The following GPC5 variants were observed in gnomAD, a reference collection of about 807,000 sequenced individuals.
GPC5 encodes the protein glypican 5.
GPC5 carries 47 observed loss-of-function variants against 53.9 expected under a neutral mutation model. The ratio of observed to expected loss-of-function variants is 0.87; its 90% CI spans 0.69 to 1.11. The LOEUF is 1.11. Ranked by LOEUF, GPC5 falls within the 50% of genes most tolerant of loss-of-function variation. The probability of loss-of-function intolerance (pLI) is 0.00; values close to 1 mark genes in which losing one functional copy is unlikely to be tolerated. For synonymous variants in GPC5, 286 were observed against 263.3 expected (o/e 1.09, Z -0.84); for missense variants, 748 against 713.1 (o/e 1.05, Z -0.56).
chr13:92,142,601 A>G (rs1165322295), intron 6 of GPC5, among the ~76,000 whole-genome samples: 1 of 152,208 alleles, frequency 6.6e-6, no homozygotes, highest in Non-Finnish European at 1.5e-5. Flanking sequence ...ATATCCAATC[A>G]CTTTCAACCA....
chr13:91,910,414 A>G (rs1378404117), intron 6 of GPC5, among the ~76,000 whole-genome samples: 1 of 152,192 alleles, frequency 6.6e-6, no homozygotes, highest in Admixed American at 6.5e-5. Flanking sequence ...TTCAGATCCT[A>G]GTCTATAGAT....
chr13:92,201,088 C>A (rs920069366), intron 7 of GPC5, among the ~76,000 whole-genome samples: 3 of 152,104 alleles, frequency 2.0e-5, no homozygotes, highest in Non-Finnish European at 2.9e-5. Context: ...TACTGAACGT[C>A]ATCATCTCTG....
intron 6 of GPC5, among the ~76,000 whole-genome samples, chr13:91,912,614 C>CTT (rs2039619771): frequency 6.6e-6 from 1 of 152,056 alleles, no homozygotes; most frequent in Admixed American, 6.6e-5. Flanking sequence ...AAAACAAATA[C>CTT]TTTTCCGTGG....
chr13:92,495,482 C>T (rs1266840883), intron 7 of GPC5, among the ~76,000 whole-genome samples: 3 of 152,102 alleles, frequency 2.0e-5, no homozygotes, highest in Non-Finnish European at 4.4e-5. Context: ...TAATTTTATT[C>T]TGAATGGTAT....
At chr13:91,731,292 A>C (rs932053800) in intron 4 of GPC5, among the ~76,000 whole-genome samples, 6 of 152,200 alleles carry the variant, frequency 3.9e-5, no homozygotes. Context: ...AACCTTCACC[A>C]AGTCCATCTC....
At chr13:92,413,054 G>T (rs1463752744) in intron 7 of GPC5, among the ~76,000 whole-genome samples, 2 of 152,164 alleles carry the variant, frequency 1.3e-5, no homozygotes, top group Non-Finnish European at 1.5e-5. Context: ...GCTACACTAA[G>T]TTCTCAAAGC....
chr13:92,851,187 G>GC (rs1878787124), intron 7 of GPC5, among the ~76,000 whole-genome samples: 2 of 152,010 alleles, frequency 1.3e-5, no homozygotes, highest in Admixed American at 6.6e-5. Flanking sequence ...GGGGAAATCT[G>GC]CCCCCATGAT....
chr13:92,077,654 G>A (rs2041262626), intron 6 of GPC5, among the ~76,000 whole-genome samples: 1 of 152,160 alleles, frequency 6.6e-6, no homozygotes, highest in African/African-American at 2.4e-5. Context: ...TGATCAAGTG[G>A]CAACTGTGAG....
intron 7 of GPC5, among the ~76,000 whole-genome samples, chr13:92,352,227 A>C (rs1257950088): frequency 6.6e-6 from 1 of 152,222 alleles, no homozygotes; most frequent in Admixed American, 6.5e-5. Flanking sequence ...ATATGAAAAA[A>C]ATTGAATAAC....
intron 7 of GPC5, among the ~76,000 whole-genome samples, chr13:92,282,804 A>C (rs1158455373): frequency 1.3e-5 from 2 of 152,234 alleles, no homozygotes; most frequent in Non-Finnish European, 2.9e-5. Context: ...AATTGTAAAG[A>C]CCATCGATGC....
chr13:92,045,798 T>A (rs921623027), intron 6 of GPC5, among the ~76,000 whole-genome samples: 8 of 152,112 alleles, frequency 5.3e-5, no homozygotes, highest in Non-Finnish European at 8.8e-5. Flanking sequence ...CGGAGGTAGA[T>A]CCTATTTGGG....
At chr13:91,694,140 C>T (rs954900101) in intron 3 of GPC5, among the ~76,000 whole-genome samples, 4 of 152,154 alleles carry the variant, frequency 2.6e-5, no homozygotes, top group African/African-American at 9.7e-5. Flanking sequence ...GAATCTTTAG[C>T]CTGCCGGTAA....
At chr13:92,124,427 C>T (rs1182652438) in intron 6 of GPC5, among the ~76,000 whole-genome samples, 1 of 151,808 alleles carries the variant, frequency 6.6e-6, no homozygotes, top group African/African-American at 2.4e-5. Flanking sequence ...TGAAATTACA[C>T]AAGAAAGCAG....
At chr13:92,462,270 A>G (rs1878518250) in intron 7 of GPC5, among the ~76,000 whole-genome samples, 1 of 152,166 alleles carries the variant, frequency 6.6e-6, no homozygotes, top group Admixed American at 6.6e-5. Context: ...ACCAATGAGG[A>G]GAGTTTGTAA....
intron 2 of GPC5, among the ~76,000 whole-genome samples, chr13:91,489,884 AG>A (rs1883837706): frequency 6.6e-6 from 1 of 152,216 alleles, no homozygotes; most frequent in South Asian, 2.1e-4. Context: ...ATAGATGGGA[AG>A]GAGACTGTTT....
chr13:92,747,906 T>G (rs911525315), intron 7 of GPC5, among the ~76,000 whole-genome samples: 1 of 152,216 alleles, frequency 6.6e-6, no homozygotes, highest in Non-Finnish European at 1.5e-5. Context: ...GCCAGTGATA[T>G]CATACATAAG....
chr13:92,622,734 C>T (rs1884914632), intron 7 of GPC5, among the ~76,000 whole-genome samples: 1 of 152,022 alleles, frequency 6.6e-6, no homozygotes, highest in Non-Finnish European at 1.5e-5. Context: ...CTGGCCCTTA[C>T]TAATCCACGA....
At chr13:92,345,512 G>C (rs1464855411) in intron 7 of GPC5, among the ~76,000 whole-genome samples, 1 of 152,070 alleles carries the variant, frequency 6.6e-6, no homozygotes, top group Non-Finnish European at 1.5e-5. Context: ...AGAAAGTATA[G>C]CTAGCAACTA....
chr13:92,375,090 G>C (rs573727959), intron 7 of GPC5, among the ~76,000 whole-genome samples: 1 of 152,206 alleles, frequency 6.6e-6, no homozygotes, highest in Non-Finnish European at 1.5e-5. Flanking sequence ...CCAAAGCATG[G>C]GTATTTTACT....
Sources: allele counts gnomAD v4.1 joint callset (sites outside exome capture counted in the v4.1 genomes callset), GRCh38; gene constraint gnomAD v4.1.1; transcripts MANE v1.5; gene names NCBI Gene and HGNC (gene_info 2026-07-23, HGNC 2026-07-21).